The following MELK variants were observed in gnomAD, a reference collection of about 807,000 sequenced individuals.
The protein encoded by MELK is maternal embryonic leucine zipper kinase.
Under a neutral mutation model 85.0 loss-of-function variants are expected in MELK, and 81 were observed. That is an observed-to-expected ratio of 0.95 (90% CI 0.80 to 1.15). The LOEUF (loss-of-function observed/expected upper bound fraction) is 1.15. Ranked by LOEUF, MELK falls within the 50% of genes most tolerant of loss-of-function variation. MELK has a pLI of 0.00. For synonymous variants in MELK, 252 were observed against 265.0 expected (o/e 0.95, Z 0.48); for missense variants, 754 against 777.5 (o/e 0.97, Z 0.36).
chr9:36,672,279 A>C (rs1434753860), intron 16 of MELK, among the ~76,000 whole-genome samples: 1 of 152,126 alleles, frequency 6.6e-6, no homozygotes, highest in Non-Finnish European at 1.5e-5. Flanking sequence ...TTTGTTCTGA[A>C]ATTTCTCTGG....
At chr9:36,637,865 T>C (rs1007143556) in intron 10 of MELK, among the ~76,000 whole-genome samples, 3 of 152,232 alleles carry the variant, frequency 2.0e-5, no homozygotes, top group South Asian at 2.1e-4. Flanking sequence ...ACTTCTGTTA[T>C]CTAAATTCCC....
At chr9:36,629,394 T>A (rs144808027) in intron 8 of MELK, among the ~76,000 whole-genome samples, 7 of 152,344 alleles carry the variant, frequency 4.6e-5, no homozygotes, top group Admixed American at 1.3e-4. Context: ...GCCAAGTCCC[T>A]GATCTTTTCT....
At chr9:36,594,489 T>C in intron 4 of MELK, 139 bp from the exon 5 acceptor site, 2 of 887,852 alleles carry the variant, frequency 2.3e-6, no homozygotes, top group Admixed American at 6.0e-5. Flanking sequence ...AGTGTACTTT[T>C]GAATATACCT....
At chr9:36,659,768 G>A (rs897632416) in intron 13 of MELK, among the ~76,000 whole-genome samples, 1 of 152,152 alleles carries the variant, frequency 6.6e-6, no homozygotes, top group African/African-American at 2.4e-5. Flanking sequence ...CTTGAGGTGA[G>A]ATCTTAGATC....
chr9:36,625,931 C>T (rs1462777776), intron 8 of MELK, among the ~76,000 whole-genome samples: 1 of 151,844 alleles, frequency 6.6e-6, no homozygotes, highest in Non-Finnish European at 1.5e-5. Context: ...GGGTTACATT[C>T]ATCGCAGAAT....
chr9:36,598,417 T>C (rs1406662571), intron 6 of MELK, among the ~76,000 whole-genome samples: 1 of 152,140 alleles, frequency 6.6e-6, no homozygotes, highest in Non-Finnish European at 1.5e-5. Context: ...CTCCTGGGCA[T>C]GTTGTTTCAG....
chr9:36,574,723 G>A (rs1821465400), intron 1 of MELK, among the ~76,000 whole-genome samples: 1 of 152,196 alleles, frequency 6.6e-6, no homozygotes, highest in African/African-American at 2.4e-5. Flanking sequence ...TATGCGGCAA[G>A]TAATAGAATA....
intron 8 of MELK, among the ~76,000 whole-genome samples, chr9:36,618,721 G>C (rs1031143458): frequency 3.9e-5 from 6 of 152,078 alleles, no homozygotes; most frequent in African/African-American, 1.2e-4. Context: ...TCATTAAACC[G>C]TATACTATAA....
intron 14 of MELK, among the ~76,000 whole-genome samples, chr9:36,668,820 A>C (rs759182936): frequency 1.7e-4 from 26 of 152,176 alleles, no homozygotes; most frequent in Non-Finnish European, 2.8e-4. Context: ...GCCAAAGCTT[A>C]CATCTCTTTA....
intron 7 of MELK, among the ~76,000 whole-genome samples, chr9:36,605,894 A>G (rs922403587): frequency 2.0e-5 from 3 of 150,476 alleles, no homozygotes; most frequent in African/African-American, 7.4e-5. Context: ...CAAATGTTGC[A>G]GTGAGCTGAG....
intron 1 of MELK, among the ~76,000 whole-genome samples, chr9:36,573,393 G>A (rs1821284994): frequency 6.6e-6 from 1 of 152,154 alleles, no homozygotes; most frequent in Non-Finnish European, 1.5e-5. Context: ...GTTTACTGGG[G>A]CAGTGCAATA....
In MELK at chr9:36,597,485, G is replaced by A. The variant is rs150629590; in HGVS notation, c.474+195G>A. 9.9e-4 allele frequency among the ~76,000 whole-genome samples: 151 copies of A among 152,308 alleles called. 2 individuals carry two copies. The South Asian group carries it at 0.014, about 15-fold the overall frequency. ...TCATAACATGCAATCAAGATTGAGA[G>A]TCACTGCCCTAGTTCTAGGATTGGT... On this transcript the variant is annotated intron_variant, in intron 6 of 17. Transcript: ENST00000298048.
rs539262470 is a variant in MELK at position 36,574,732 on chromosome 9, T to C, written c.-39+1725T>C. Among the ~76,000 whole-genome samples the C allele has an allele frequency of 7.2e-4, 110 of 152,230 alleles. 1 individual carries two copies. Among genetic ancestry groups the C allele is most frequent in the Admixed American group, 1.3e-3 (20 of 15,272 alleles). ...TGTATTTATGCGGCAAGTAATAGAA[T>C]AGCCCAAATAATATTGTTAAAAAAT... is the stretch of plus-strand genomic sequence containing the variant. On this transcript the variant is annotated intron_variant, in intron 1 of 17. Transcript: ENST00000298048.
At chr9:36,661,666 G>A (rs1177502957) in intron 13 of MELK, among the ~76,000 whole-genome samples, 1 of 152,166 alleles carries the variant, frequency 6.6e-6, no homozygotes, top group Non-Finnish European at 1.5e-5. Flanking sequence ...GCCGGGCGCG[G>A]TGGCTCACGC....
intron 8 of MELK, among the ~76,000 whole-genome samples, chr9:36,608,707 T>G (rs930316199): frequency 6.6e-6 from 1 of 151,966 alleles, no homozygotes; most frequent in Non-Finnish European, 1.5e-5. Context: ...TCAGCCTCCC[T>G]AGTAGCTGGG....
At chr9:36,633,612 TC>T (rs1395089547) in intron 10 of MELK, among the ~76,000 whole-genome samples, 3 of 152,164 alleles carry the variant, frequency 2.0e-5, no homozygotes, top group Admixed American at 6.5e-5. Context: ...AGTTTGAGGA[TC>T]CCTTTATACT....
At chr9:36,655,189 A>G (rs928708563) in intron 12 of MELK, among the ~76,000 whole-genome samples, 3 of 152,190 alleles carry the variant, frequency 2.0e-5, no homozygotes, top group African/African-American at 4.8e-5. Flanking sequence ...CAAGACATAT[A>G]TATACATAGA....
chr9:36,583,833 A>C (rs1461313021), intron 3 of MELK, 121 bp downstream of exon 3: 3 of 690,052 alleles, frequency 4.3e-6, no homozygotes, highest in Non-Finnish European at 6.9e-6. Flanking sequence ...CTTTTAAAAA[A>C]CGTATAGATC....
intron 5 of MELK, 145 bp downstream of exon 5, chr9:36,594,916 T>C: frequency 2.2e-6 from 2 of 915,798 alleles, no homozygotes; most frequent in Non-Finnish European, 3.0e-6. Flanking sequence ...ATTTCTTTTT[T>C]CCTCTTACTT....
Sources: gnomAD v4.1 joint callset for allele counts (sites outside exome capture counted in the v4.1 genomes callset) on GRCh38, gnomAD v4.1.1 for gene constraint, MANE v1.5 for transcripts, NCBI Gene and HGNC (gene_info 2026-07-23, HGNC 2026-07-21) for gene names.